MAF: variants seen among roughly 807,000 people sequenced by gnomAD.
MAF encodes the protein MAF bZIP transcription factor, also known as transcription factor Maf.
MAF carries 10 observed loss-of-function variants against 22.0 expected under a neutral mutation model. The observed-to-expected ratio is 0.45, with a 90% confidence interval of 0.28 to 0.77. MAF has a LOEUF of 0.77. Among genes scored for constraint, MAF ranks in the 30% least tolerant of loss-of-function variants. MAF has a pLI of 0.12. For missense variants in MAF, 544 were observed against 548.4 expected (o/e 0.99, Z 0.08); for synonymous variants, 337 against 255.8 (o/e 1.32, Z -3.03).
chr16:79,553,720 G>A, the MAF span, among the ~76,000 whole-genome samples: 17 of 152,180 alleles, frequency 1.1e-4, no homozygotes, highest in African/African-American at 4.1e-4. Flanking sequence ...TAGCATGGCA[G>A]AAAAACATCA....
At chr16:79,521,665 C>T in the MAF span, among the ~76,000 whole-genome samples, 1 of 152,198 alleles carries the variant, frequency 6.6e-6, no homozygotes, top group African/African-American at 2.4e-5. Flanking sequence ...GCAGCCACAT[C>T]TTTCCAGTGC....
the MAF span, among the ~76,000 whole-genome samples, chr16:79,430,314 G>C: frequency 6.6e-6 from 1 of 152,254 alleles, no homozygotes. Context: ...CCTCAGGGCA[G>C]GGCTGCGTCT....
chr16:79,587,881 G>T (rs1912948395), intron 1 of MAF, among the ~76,000 whole-genome samples: 1 of 127,544 alleles, frequency 7.8e-6, no homozygotes, highest in Non-Finnish European at 1.7e-5. Flanking sequence ...GGGGGGGGGG[G>T]TAGATACTAT....
At chr16:79,311,515 AC>A in the MAF span, among the ~76,000 whole-genome samples, 1,506 of 146,532 alleles carry the variant, frequency 0.01, 23 homozygotes, top group African/African-American at 0.036. Context: ...AAAAAAAAAA[AC>A]ATTATGTCTG....
the MAF span, among the ~76,000 whole-genome samples, chr16:79,405,197 G>A: frequency 6.6e-6 from 1 of 152,162 alleles, no homozygotes; most frequent in Non-Finnish European, 1.5e-5. Flanking sequence ...GGGGAGAAGG[G>A]AATGTCCAAA....
downstream of MAF, among the ~76,000 whole-genome samples, chr16:79,591,600 A>T (rs1913193979): frequency 6.6e-6 from 1 of 152,196 alleles, no homozygotes; most frequent in Non-Finnish European, 1.5e-5. Context: ...AGTCGTGGAA[A>T]ATGTGTTTTA....
the MAF span, among the ~76,000 whole-genome samples, chr16:79,291,381 T>G: frequency 3.3e-5 from 5 of 152,130 alleles, no homozygotes; most frequent in African/African-American, 1.2e-4. Flanking sequence ...GGTTCAAGTT[T>G]CCATTGTACA....
chr16:79,525,129 CT>C, the MAF span, among the ~76,000 whole-genome samples: 1 of 151,978 alleles, frequency 6.6e-6, no homozygotes, highest in Non-Finnish European at 1.5e-5. Flanking sequence ...TTTTTTTTCC[CT>C]GTGAGCTAAA....
At chr16:79,320,080 G>A in the MAF span, among the ~76,000 whole-genome samples, 1 of 152,172 alleles carries the variant, frequency 6.6e-6, no homozygotes, top group African/African-American at 2.4e-5. Context: ...GAAGGCCAGT[G>A]TTGAGGCTTA....
At chr16:79,409,932 G>C in the MAF span, among the ~76,000 whole-genome samples, 3 of 152,308 alleles carry the variant, frequency 2.0e-5, no homozygotes, top group South Asian at 6.2e-4. Context: ...ACTTAAAATT[G>C]TTAAAGTGAA....
At chr16:79,253,607 C>T in the MAF span, among the ~76,000 whole-genome samples, 11 of 152,106 alleles carry the variant, frequency 7.2e-5, no homozygotes, top group African/African-American at 2.7e-4. Context: ...GGCGTGGTCA[C>T]ATACACATCT....
chr16:79,438,838 C>T, the MAF span, among the ~76,000 whole-genome samples: 845 of 152,210 alleles, frequency 5.6e-3, 1 homozygote, highest in South Asian at 9.1e-3. Flanking sequence ...TTTTCAAGCA[C>T]GTATTCCATG....
chr16:79,302,127 T>C, the MAF span, among the ~76,000 whole-genome samples: 1 of 152,190 alleles, frequency 6.6e-6, no homozygotes, highest in East Asian at 1.9e-4. Flanking sequence ...GTCTCAGTGA[T>C]GGTGCCAGGC....
rs1032315975 is a variant in MAF, at chr16:79,594,289, C to A, written c.*171G>T. The A allele has an allele frequency of 3.0e-6, 2 of 667,908 alleles. No individual in the cohort carries two copies. Among genetic ancestry groups the A allele is most frequent in the Middle Eastern group, 4.1e-4 (1 of 2,438 alleles). The allele number at this position is 667,908 out of a possible 1,614,324, so 41.4% of individuals were successfully genotyped here. On this transcript the variant is annotated 3_prime_UTR_variant, in exon 2 of 2. Transcript: ENST00000326043. ...CGCTTTCCTACCGGTCTCTATGAAA[C>A]CCCCAGACAAGAGGCATAGTTAACT...
chr16:79,380,965 T>A, the MAF span, among the ~76,000 whole-genome samples: 1 of 152,252 alleles, frequency 6.6e-6, no homozygotes, highest in African/African-American at 2.4e-5. Flanking sequence ...TATCTGGGAA[T>A]GAAGTCTCTC....
At chr16:79,362,143 G>A in the MAF span, among the ~76,000 whole-genome samples, 44 of 152,164 alleles carry the variant, frequency 2.9e-4, no homozygotes, top group Non-Finnish European at 5.3e-4. Context: ...TATTCACAGT[G>A]CTTACCTCAT....
the MAF span, among the ~76,000 whole-genome samples, chr16:79,371,766 C>A: frequency 1.3e-5 from 2 of 152,316 alleles, no homozygotes; most frequent in Admixed American, 6.5e-5. Context: ...GGCCCACCAC[C>A]GTTCAGACTA....
the MAF span, among the ~76,000 whole-genome samples, chr16:79,472,010 T>C: frequency 1.3e-5 from 2 of 152,176 alleles, no homozygotes; most frequent in Non-Finnish European, 2.9e-5. Flanking sequence ...CAGCAATTTT[T>C]CCTTGCTTCT....
At chr16:79,454,411 G>T in the MAF span, among the ~76,000 whole-genome samples, 10 of 152,100 alleles carry the variant, frequency 6.6e-5, no homozygotes, top group Non-Finnish European at 1.5e-4. Context: ...CTCCCTCAGG[G>T]GTTTACCAAT....
Sources: gnomAD v4.1 joint callset for allele counts (sites outside exome capture counted in the v4.1 genomes callset) on GRCh38, gnomAD v4.1.1 for gene constraint, MANE v1.5 for transcripts, NCBI Gene and HGNC (gene_info 2026-07-23, HGNC 2026-07-21) for gene names.